The following TNFSF4 variants were observed in gnomAD, a reference collection of about 807,000 sequenced individuals.
TNFSF4 encodes the protein TNF superfamily member 4, also known as tumor necrosis factor ligand superfamily member 4.
A neutral mutation model predicts 7.3 loss-of-function variants in TNFSF4; 4 were observed. The ratio of observed to expected loss-of-function variants is 0.55; its 90% confidence interval spans 0.27 to 1.25. TNFSF4 has a LOEUF of 1.25. Ranked by LOEUF, TNFSF4 falls within the 50% of genes most tolerant of loss-of-function variation. The pLI is 0.12. For synonymous variants in TNFSF4, 76 were observed against 83.7 expected (o/e 0.91, Z 0.50); for missense variants, 181 against 208.8 (o/e 0.87, Z 0.82).
At chr1:173,421,676 A>G in the TNFSF4 span, among the ~76,000 whole-genome samples, 8 of 146,750 alleles carry the variant, frequency 5.5e-5, no homozygotes, top group Admixed American at 2.0e-4. Context: ...TCGTTTCTGG[A>G]AAAAAAAAAA....
chr1:173,329,429 A>G, the TNFSF4 span, among the ~76,000 whole-genome samples: 2 of 152,202 alleles, frequency 1.3e-5, no homozygotes, highest in African/African-American at 2.4e-5. Flanking sequence ...TTTTTAAAAT[A>G]CTTTTTATCT....
the TNFSF4 span, among the ~76,000 whole-genome samples, chr1:173,383,877 C>T: frequency 3.9e-4 from 60 of 152,252 alleles, no homozygotes; most frequent in Non-Finnish European, 7.6e-4. Flanking sequence ...GATCAAAATG[C>T]CTACCACTCA....
At chr1:173,369,890 C>G in the TNFSF4 span, among the ~76,000 whole-genome samples, 1 of 151,942 alleles carries the variant, frequency 6.6e-6, no homozygotes, top group Non-Finnish European at 1.5e-5. Context: ...CAATTTACAT[C>G]CCACAGGAGG....
chr1:173,233,043 G>T, the TNFSF4 span, among the ~76,000 whole-genome samples: 1 of 152,176 alleles, frequency 6.6e-6, no homozygotes, highest in Non-Finnish European at 1.5e-5. Context: ...GCTAAAGGAA[G>T]ATGTTCGAAC....
At chr1:173,377,330 C>T in the TNFSF4 span, among the ~76,000 whole-genome samples, 1 of 152,186 alleles carries the variant, frequency 6.6e-6, no homozygotes, top group African/African-American at 2.4e-5. Flanking sequence ...ACTAAAAACA[C>T]GAGCGTCAGG....
chr1:173,215,056 C>T, the TNFSF4 span, among the ~76,000 whole-genome samples: 4 of 152,056 alleles, frequency 2.6e-5, no homozygotes, highest in African/African-American at 9.7e-5. Context: ...GGAGATGGAG[C>T]CTTTGGAAAG....
chr1:173,213,618 A>C, the TNFSF4 span, among the ~76,000 whole-genome samples: 1 of 152,248 alleles, frequency 6.6e-6, no homozygotes, highest in Non-Finnish European at 1.5e-5. Context: ...TTAGACAATA[A>C]ATTGCATTAT....
chr1:173,224,571 A>T, the TNFSF4 span, among the ~76,000 whole-genome samples: 1 of 152,174 alleles, frequency 6.6e-6, no homozygotes, highest in Non-Finnish European at 1.5e-5. Context: ...TGCATGTGGT[A>T]ACTCATTAAA....
At chr1:173,343,854 A>C in the TNFSF4 span, among the ~76,000 whole-genome samples, 1 of 152,370 alleles carries the variant, frequency 6.6e-6, no homozygotes, top group South Asian at 2.1e-4. Flanking sequence ...AGTGAATGAA[A>C]GTAGTGAAGA....
At chr1:173,223,577 C>T in the TNFSF4 span, among the ~76,000 whole-genome samples, 2 of 152,140 alleles carry the variant, frequency 1.3e-5, no homozygotes, top group Non-Finnish European at 2.9e-5. Context: ...AGAGACGAAT[C>T]AGTGAAGAGG....
At chr1:173,392,222 G>C in the TNFSF4 span, among the ~76,000 whole-genome samples, 1 of 152,150 alleles carries the variant, frequency 6.6e-6, no homozygotes, top group African/African-American at 2.4e-5. Flanking sequence ...TCAAGTGAGG[G>C]TTAATGCCTA....
chr1:173,291,189 C>T, the TNFSF4 span, among the ~76,000 whole-genome samples: 2 of 152,232 alleles, frequency 1.3e-5, no homozygotes, highest in Non-Finnish European at 2.9e-5. Context: ...GAGCACCTTA[C>T]GTGGTAAAAG....
chr1:173,354,257 C>A, the TNFSF4 span, among the ~76,000 whole-genome samples: 1 of 152,046 alleles, frequency 6.6e-6, no homozygotes, highest in African/African-American at 2.4e-5. Flanking sequence ...AAGATAAATT[C>A]CTGGACATAT....
chr1:173,312,154 T>C, the TNFSF4 span, among the ~76,000 whole-genome samples: 12 of 152,238 alleles, frequency 7.9e-5, no homozygotes, highest in African/African-American at 2.9e-4. Context: ...CTAAGGTTTT[T>C]CCTGTATAGT....
At position 173,184,466 on chromosome 1, in the gene TNFSF4, G is replaced by A. The variant is rs771439168; in HGVS notation, c.*2050C>T. The A allele has an allele frequency of 3.9e-5, 6 of 152,146 alleles. No homozygotes were observed. The highest frequency in any genetic ancestry group is 2.6e-4 in the Admixed American group (4 of 15,266). The allele number at this position is 152,146 out of a possible 1,614,324, so 9.4% of individuals were successfully genotyped here. On this transcript the variant is annotated 3_prime_UTR_variant, in exon 3 of 3. Transcript: ENST00000281834. ...AGAGCAGGCCAGGTGCACCCAAAGCGAGTGAGCACCTAAGAGAGGGGACCA... is the reference window on the plus strand; with the variant it reads ...AGAGCAGGCCAGGTGCACCCAAAGCAAGTGAGCACCTAAGAGAGGGGACCA...
chr1:173,186,420 G>A lies in TNFSF4; in HGVS notation c.*96C>T, dbSNP rs1649226643. 4 of 1,019,686 alleles carry A rather than the reference G, an allele frequency of 3.9e-6. No individual in the cohort carries two copies. Among genetic ancestry groups the A allele is most frequent in the South Asian group, 1.6e-5 (1 of 61,424 alleles). The allele number at this position is 1,019,686 out of a possible 1,614,324, so 63.2% of individuals were successfully genotyped here. A position where few individuals can be genotyped will look rare whatever the true frequency, so the allele number is the denominator to read the frequency against. ...TGTCACATCCCACGTGGCTGAGCTGGGAGGCTCCTTCACTTGCAATGAAGA... is the reference window on the plus strand; with the variant it reads ...TGTCACATCCCACGTGGCTGAGCTGAGAGGCTCCTTCACTTGCAATGAAGA... On this transcript the variant is annotated 3_prime_UTR_variant, in exon 3 of 3. Coordinates refer to ENST00000281834, the MANE Select transcript of TNFSF4 (RefSeq NM_003326.5).
intron 1 of TNFSF4, among the ~76,000 whole-genome samples, chr1:173,190,279 C>A (rs1335729200): frequency 6.6e-6 from 1 of 152,160 alleles, no homozygotes; most frequent in Non-Finnish European, 1.5e-5. Context: ...ACGTCCTAAT[C>A]AAAAATGTGA....
At chr1:173,239,181 A>G in the TNFSF4 span, among the ~76,000 whole-genome samples, 2 of 152,190 alleles carry the variant, frequency 1.3e-5, no homozygotes, top group African/African-American at 4.8e-5. Flanking sequence ...AACACGTCCA[A>G]TTCACATCAG....
chr1:173,382,766 A>G, the TNFSF4 span, among the ~76,000 whole-genome samples: 1 of 151,910 alleles, frequency 6.6e-6, no homozygotes, highest in Non-Finnish European at 1.5e-5. Flanking sequence ...TATCTACCAT[A>G]TCACCTACCC....
Sources: allele counts gnomAD v4.1 joint callset (sites outside exome capture counted in the v4.1 genomes callset), GRCh38; gene constraint gnomAD v4.1.1; transcripts MANE v1.5; gene names NCBI Gene and HGNC (gene_info 2026-07-23, HGNC 2026-07-21).